Variants in NMUR2 observed in about 807,000 individuals in gnomAD.
NMUR2 encodes neuromedin U receptor 2.
Under a neutral mutation model 25.1 loss-of-function variants are expected in NMUR2, and 24 were observed. The ratio of observed to expected loss-of-function variants is 0.96; its 90% CI spans 0.69 to 1.34. The LOEUF is 1.34. Among genes scored for constraint, NMUR2 ranks in the 40% most tolerant of loss-of-function variants. NMUR2 has a pLI of 0.00. For synonymous variants in NMUR2, 218 were observed against 208.1 expected, an observed-to-expected ratio of 1.05 and a Z score of -0.41; for missense variants, 533 against 512.8, an observed-to-expected ratio of 1.04 and a Z score of -0.38.
In NMUR2 at chr5:152,404,416, C is replaced by T. The variant is rs1345939891; in HGVS notation, c.698G>A (p.Ser233Asn). Residue 233 changes from serine (S) to asparagine (N), a missense_variant, in exon 1 of 4, where the codon AGT (serine) becomes AAT (asparagine). Coordinates refer to ENST00000255262, the MANE Select transcript of NMUR2 (RefSeq NM_020167.5). ...GAGTGCCATGAGGTAGTAGAGGACA[C>T]TGATGACAGTCATGGGGAGGAGGTA... Reference protein sequence around the residue: ...LFYLLPMTVISVLYYLMALRL... With the variant: ...LFYLLPMTVINVLYYLMALRL... 6.2e-7 allele frequency: 1 copy of T among 1,613,842 alleles called. No individual in the cohort carries two copies. The highest frequency in any genetic ancestry group is 8.5e-7 in the Non-Finnish European group (1 of 1,179,874).
chr5:152,403,326 T>C (rs975231955), intron 1 of NMUR2, among the ~76,000 whole-genome samples: 1 of 152,238 alleles, frequency 6.6e-6, no homozygotes, highest in African/African-American at 2.4e-5. Flanking sequence ...AACTGTTTAC[T>C]ACACAAGCTA....
At chr5:152,402,642 CCAAATTGA>C (rs1753276704) in intron 1 of NMUR2, among the ~76,000 whole-genome samples, 1 of 152,036 alleles carries the variant, frequency 6.6e-6, no homozygotes, top group Admixed American at 6.5e-5. Context: ...AATATTTTTC[CCAAATTGA>C]CCCAAAATAG....
Position 152,392,499 on chromosome 5 carries a change from C to T in NMUR2, c.940G>A (p.Val314Ile), listed in dbSNP as rs771714894. 1 of 1,607,882 alleles carries T rather than the reference C, an allele frequency of 6.2e-7. No homozygotes were observed. The highest frequency in any genetic ancestry group is 8.5e-7 in the Non-Finnish European group (1 of 1,175,480). The change falls in exon 4 of 4, where the codon GTC becomes ATC. Residue 314 changes from valine to isoleucine, a missense_variant and splice_region_variant. By Grantham distance (29) the Val-to-Ile change is conservative. Transcript: ENST00000255262. ...VFNLVHVVSG[V>I]FFYLSSAVNP... ...ACAGCTGAGCTCAGGTAGAAGAAGA[C>T]ACCTGGAATGCAGGGGATTTAAAAA...
chr5:152,403,685 G>A (rs898547262), intron 1 of NMUR2, among the ~76,000 whole-genome samples: 8 of 147,728 alleles, frequency 5.4e-5, no homozygotes, highest in Non-Finnish European at 1.5e-5. Flanking sequence ...TCTCAGTCAT[G>A]TCATTAATAT....
intron 1 of NMUR2, among the ~76,000 whole-genome samples, chr5:152,399,385 C>G (rs917304286): frequency 6.6e-6 from 1 of 152,020 alleles, no homozygotes; most frequent in African/African-American, 2.4e-5. Context: ...ACAATTTAGC[C>G]AATCAACTTG....
chr5:152,400,144 C>G (rs1172613710), intron 1 of NMUR2, among the ~76,000 whole-genome samples: 1 of 152,060 alleles, frequency 6.6e-6, no homozygotes, highest in East Asian at 1.9e-4. Flanking sequence ...CACTCAGGAC[C>G]ACATAGGACC....
chr5:152,402,933 G>A (rs559463748), intron 1 of NMUR2, among the ~76,000 whole-genome samples: 4 of 152,222 alleles, frequency 2.6e-5, no homozygotes, highest in South Asian at 4.1e-4. Flanking sequence ...CTTAGACCTC[G>A]CTATTCACCT....
intron 3 of NMUR2, among the ~76,000 whole-genome samples, chr5:152,392,838 A>T (rs899227795): frequency 6.6e-6 from 1 of 152,296 alleles, no homozygotes; most frequent in East Asian, 1.9e-4. Context: ...TATCAGAGGG[A>T]AGAGAAACGT....
chr5:152,398,229 C>T (rs1363423), intron 1 of NMUR2, 85 bp from the exon 2 acceptor site: 151,738 of 911,438 alleles, frequency 0.17, 15,057 homozygotes, highest in Admixed American at 0.3. Flanking sequence ...AACTCAAACG[C>T]TCATTTTGAA....
At chr5:152,402,854 C>T (rs933703317) in intron 1 of NMUR2, among the ~76,000 whole-genome samples, 3 of 152,166 alleles carry the variant, frequency 2.0e-5, no homozygotes, top group Non-Finnish European at 1.5e-5. Flanking sequence ...GGGACTGGCA[C>T]AGCTCTCTGC....
At position 152,404,799 on chromosome 5, in the gene NMUR2, C is replaced by T. The variant is rs766974823; in HGVS notation, c.315G>A (p.Glu105=). The T allele has an allele frequency of 1.2e-6, 2 of 1,614,124 alleles. No homozygotes were observed. Among genetic ancestry groups the T allele is most frequent in the Admixed American group, 1.7e-5 (1 of 60,020 alleles). ...ACAAGAAAGGGTAGTTGCGCCACAT[C>T]TCATAGACCTCCAGGGGCATTCCAA... ...LLLGMPLEVY[E]MWRNYPFLFG... The change falls in exon 1 of 4, where the codon GAG becomes GAA. Residue 105 remains glutamate, a synonymous_variant. Transcript: ENST00000255262.
Position 152,405,212 on chromosome 5 carries a change from A to G in NMUR2, c.-99T>C, listed in dbSNP as rs1254510938. On this transcript the variant is annotated 5_prime_UTR_variant, in exon 1 of 4. Transcript: ENST00000255262. ...GAAAAAAGGAAAACAAAAAAGAGAA[A>G]GCAGTCACGAAAGTCACAGGCTTCG... 1 of 1,401,316 alleles carries G rather than the reference A, an allele frequency of 7.1e-7. No individual in the cohort carries two copies. The highest frequency in any genetic ancestry group is 1.4e-5 in the African/African-American group (1 of 69,394). 86.8% of individuals were successfully genotyped at this position (1,401,316 alleles called of 1,614,324 possible). A position where few individuals can be genotyped will look rare whatever the true frequency, so the allele number is the denominator to read the frequency against.
intron 2 of NMUR2, among the ~76,000 whole-genome samples, chr5:152,396,597 C>G (rs1561697087): frequency 6.6e-6 from 1 of 152,074 alleles, no homozygotes. Flanking sequence ...CCTACAATTC[C>G]CTTTAATTAA....
At chr5:152,397,676 C>T (rs567537775) in intron 2 of NMUR2, among the ~76,000 whole-genome samples, 1 of 150,284 alleles carries the variant, frequency 6.7e-6, no homozygotes, top group African/African-American at 2.5e-5. Flanking sequence ...AGGTTAAAAA[C>T]CTGCTTATTT....
At chr5:152,401,519 T>A (rs541841231) in intron 1 of NMUR2, among the ~76,000 whole-genome samples, 17 of 152,352 alleles carry the variant, frequency 1.1e-4, no homozygotes, top group Middle Eastern at 6.8e-3. Context: ...AATATCTCTA[T>A]AATCTTAACA....
intron 3 of NMUR2, among the ~76,000 whole-genome samples, chr5:152,393,478 T>A (rs553969391): frequency 6.6e-6 from 1 of 152,320 alleles, no homozygotes; most frequent in East Asian, 1.9e-4. Flanking sequence ...AAGGAGAATA[T>A]TTCTATGCAT....
chr5:152,404,898 C>T lies in NMUR2; in HGVS notation c.216G>A (p.Gln72=). 6.2e-7 allele frequency: 1 copy of T among 1,614,058 alleles called. No individual in the cohort carries two copies. The highest frequency in any genetic ancestry group is 8.5e-7 in the Non-Finnish European group (1 of 1,179,990). Residue 72 remains glutamine (Q), a synonymous_variant, in exon 1 of 4, where the codon CAG becomes CAA. Coordinates refer to ENST00000255262, the MANE Select transcript of NMUR2 (RefSeq NM_020167.5). ...GNVLVCLVIL[Q]HQAMKTPTNY... is the part of the protein sequence containing the mutation. ...TGGTGGGCGTCTTCATAGCCTGGTG[C>T]TGCAGAATCACCAGGCACACCAGGA...
In NMUR2 at chr5:152,391,964, T is replaced by C. The variant is rs931709831; in HGVS notation, c.*227A>G. On this transcript the variant is annotated 3_prime_UTR_variant, in exon 4 of 4. Transcript: ENST00000255262. The stretch of plus-strand genomic sequence containing the variant: ...CTTGGCATGAACTAGTGAAGGGGCA[T>C]GAGGCAGTTAGGATAGTGGAAAGAT... 1.3e-5 allele frequency: 6 copies of C among 455,396 alleles called. No homozygotes were observed. Among genetic ancestry groups the C allele is most frequent in the Non-Finnish European group, 2.3e-5 (6 of 255,826 alleles). The allele number at this position is 455,396 out of a possible 1,614,324, so 28.2% of individuals were successfully genotyped here.
intron 1 of NMUR2, among the ~76,000 whole-genome samples, chr5:152,403,713 A>G (rs1316770520): frequency 6.7e-6 from 1 of 148,266 alleles, no homozygotes; most frequent in East Asian, 1.9e-4. Flanking sequence ...TATATATTAT[A>G]TATAACTATA....
Sources: allele counts gnomAD v4.1 joint callset (sites outside exome capture counted in the v4.1 genomes callset), GRCh38; gene constraint gnomAD v4.1.1; transcripts MANE v1.5; gene names NCBI Gene and HGNC (gene_info 2026-07-23, HGNC 2026-07-21).